The following CATSPERE variants were observed in gnomAD, a reference collection of about 807,000 sequenced individuals.
The protein encoded by CATSPERE is cation channel sperm-associated auxiliary subunit epsilon.
In CATSPERE, 93 loss-of-function variants were observed where a neutral mutation model predicts 114.1. The observed-to-expected ratio is 0.81, with a 90% CI of 0.69 to 0.97. The LOEUF (loss-of-function observed/expected upper bound fraction) is 0.97, where lower values mean the gene tolerates loss of function less well. Ranked by LOEUF, CATSPERE falls within the 50% of genes least tolerant of loss-of-function variation. The pLI is 0.00. For synonymous variants in CATSPERE, 341 were observed against 384.1 expected (o/e 0.89, Z 1.31); for missense variants, 1,058 against 1,131.6 (o/e 0.93, Z 0.93).
intron 2 of CATSPERE, among the ~76,000 whole-genome samples, chr1:244,468,022 A>G (rs1667888331): frequency 6.6e-6 from 1 of 151,198 alleles, no homozygotes; most frequent in Non-Finnish European, 1.5e-5. Context: ...TGTCTCTAAT[A>G]GAGTTTATTT....
chr1:244,628,040 T>G (rs1220113568), intron 20 of CATSPERE, among the ~76,000 whole-genome samples: 1 of 152,234 alleles, frequency 6.6e-6, no homozygotes, highest in East Asian at 1.9e-4. Context: ...AAAGCAATAC[T>G]GTTGTGTTCC....
At chr1:244,528,825 A>ACACACACACACACACACACACACACT (rs1471635883) in intron 8 of CATSPERE, among the ~76,000 whole-genome samples, 1 of 147,282 alleles carries the variant, frequency 6.8e-6, no homozygotes, top group African/African-American at 2.5e-5. Flanking sequence ...ACACACACAC[A>ACACACACACACACACACACACACACT]CTCTACTCTT....
chr1:244,586,013 T>C (rs560142330), intron 13 of CATSPERE, among the ~76,000 whole-genome samples: 2 of 152,342 alleles, frequency 1.3e-5, no homozygotes, highest in African/African-American at 4.8e-5. Context: ...TCAGTTAATC[T>C]GTCTGGTTAG....
chr1:244,482,571 C>T (rs1004970491), intron 5 of CATSPERE, among the ~76,000 whole-genome samples: 2 of 152,142 alleles, frequency 1.3e-5, no homozygotes, highest in East Asian at 1.9e-4. Context: ...CACTGCACTC[C>T]AGCCTCCATG....
intron 14 of CATSPERE, among the ~76,000 whole-genome samples, chr1:244,589,278 C>T (rs1667417007): frequency 1.3e-5 from 2 of 152,172 alleles, no homozygotes; most frequent in African/African-American, 2.4e-5. Context: ...TATGAAATTA[C>T]TTGCTGACAT....
chr1:244,630,037 G>A (rs1175868702), intron 20 of CATSPERE, among the ~76,000 whole-genome samples: 1 of 152,200 alleles, frequency 6.6e-6, no homozygotes, highest in Non-Finnish European at 1.5e-5. Context: ...GATGTTCTAT[G>A]AGATGATGAT....
intron 6 of CATSPERE, among the ~76,000 whole-genome samples, chr1:244,493,887 CA>C (rs1672651521): frequency 6.6e-6 from 1 of 152,198 alleles, no homozygotes; most frequent in Non-Finnish European, 1.5e-5. Context: ...AAATGCAAAT[CA>C]AAACCACAAT....
At chr1:244,478,079 T>G in intron 4 of CATSPERE, 104 bp downstream of exon 4, 1 of 808,952 alleles carries the variant, frequency 1.2e-6, no homozygotes, top group Non-Finnish European at 2.0e-6. Flanking sequence ...TAATTTAACC[T>G]GTTTTAAATA....
chr1:244,528,365 A>C (rs1415403838), intron 8 of CATSPERE, among the ~76,000 whole-genome samples: 2 of 152,242 alleles, frequency 1.3e-5, no homozygotes. Context: ...TGAATCTCAC[A>C]AGCATAATAT....
At chr1:244,502,385 G>A (rs1674188380) in intron 7 of CATSPERE, among the ~76,000 whole-genome samples, 1 of 151,738 alleles carries the variant, frequency 6.6e-6, no homozygotes, top group African/African-American at 2.4e-5. Context: ...TTGAGTTTTT[G>A]TTTCTGTTTT....
upstream of CATSPERE, chr1:244,451,511 G>A (rs549819402): frequency 6.8e-4 from 723 of 1,070,872 alleles, 13 homozygotes; most frequent in South Asian, 0.011. The surrounding 1 kb of genome is among the most constrained non-coding windows in gnomAD (Gnocchi z 6.6). Flanking sequence ...GGAGGAGAGA[G>A]CCTCAAGGTG....
At chr1:244,502,034 C>G (rs1674115784) in intron 7 of CATSPERE, among the ~76,000 whole-genome samples, 1 of 152,110 alleles carries the variant, frequency 6.6e-6, no homozygotes, top group Non-Finnish European at 1.5e-5. Context: ...TGTTTTAGGT[C>G]TCTAATTAGG....
intron 17 of CATSPERE, among the ~76,000 whole-genome samples, chr1:244,603,744 A>T (rs1020362548): frequency 4.0e-5 from 6 of 151,744 alleles, no homozygotes; most frequent in African/African-American, 1.5e-4. Context: ...GGTGGCTCAC[A>T]CCTGTAATCC....
chr1:244,476,346 A>C (rs935651124), intron 2 of CATSPERE, among the ~76,000 whole-genome samples: 2 of 150,504 alleles, frequency 1.3e-5, no homozygotes, highest in Non-Finnish European at 3.0e-5. Flanking sequence ...AAACTTACTA[A>C]TTATATTTTT....
Position 244,463,925 on chromosome 1 carries a change from C to A in CATSPERE, c.83C>A (p.Pro28Gln). ...CTCCACAGGTATTCCACTAACAGCC[C>A]AAACTATCGCATTTTTAGTACCAGA... The part of the protein sequence containing the change: ...SALWRYSTNS[P>Q]NYRIFSTRST... The change falls in exon 2 of 22, where the codon CCA (proline) becomes CAA (glutamine). Residue 28 changes from proline (P) to glutamine (Q), a missense_variant. Physicochemically the swap from Pro to Gln is moderately conservative, Grantham distance 76 (BLOSUM62 -1). Around this residue, in one of 2 missense-constraint regions of CATSPERE, gnomAD observed 271 missense variants for 225.9 expected, o/e 1.20. Coordinates refer to ENST00000366534, the MANE Select transcript of CATSPERE (RefSeq NM_001130957.2). 1 of 1,601,396 alleles carries A rather than the reference C, an allele frequency of 6.2e-7. No homozygotes were observed. Among genetic ancestry groups the A allele is most frequent in the Non-Finnish European group, 8.6e-7 (1 of 1,168,702 alleles).
chr1:244,629,868 G>T (rs570354881), intron 20 of CATSPERE, among the ~76,000 whole-genome samples: 1 of 151,822 alleles, frequency 6.6e-6, no homozygotes, highest in South Asian at 2.1e-4. Flanking sequence ...TCAAACTCCT[G>T]ACCTCAAGCA....
intron 15 of CATSPERE, 95 bp downstream of exon 15, chr1:244,591,826 C>T (rs1269073540): frequency 1.3e-6 from 1 of 774,582 alleles, no homozygotes; most frequent in Non-Finnish European, 2.1e-6. Context: ...TATTAGCATC[C>T]ATGTGTTCGG....
intron 5 of CATSPERE, among the ~76,000 whole-genome samples, chr1:244,483,930 T>C (rs1182764269): frequency 6.6e-6 from 1 of 152,184 alleles, no homozygotes; most frequent in Non-Finnish European, 1.5e-5. Context: ...AAAAGTTTTA[T>C]ATGTTTTTTT....
intron 9 of CATSPERE, among the ~76,000 whole-genome samples, chr1:244,556,309 G>GAA (rs147041935): frequency 6.6e-6 from 1 of 151,450 alleles, no homozygotes; most frequent in African/African-American, 2.4e-5. Context: ...AATGAAATAT[G>GAA]AAAAAAATTA....
Sources: allele counts gnomAD v4.1 joint callset (sites outside exome capture counted in the v4.1 genomes callset), GRCh38; gene constraint gnomAD v4.1.1; regional missense constraint gnomAD v4.1.1; non-coding constraint Gnocchi (gnomAD v3.1); transcripts MANE v1.5; gene names NCBI Gene and HGNC (gene_info 2026-07-23, HGNC 2026-07-21).